SUGCT: variants seen among roughly 807,000 people sequenced by gnomAD.
SUGCT encodes succinyl-CoA:glutarate-CoA transferase.
SUGCT carries 41 observed loss-of-function variants against 55.0 expected under a neutral mutation model. That is an observed-to-expected ratio of 0.74 (90% CI 0.58 to 0.97). The LOEUF is 0.97. SUGCT is among the 50% of genes least tolerant of loss of function. The pLI, the probability that SUGCT is intolerant of heterozygous loss-of-function variation, is 0.00. For synonymous variants in SUGCT, 187 were observed against 200.4 expected, an observed-to-expected ratio of 0.93 and a Z score of 0.56; for missense variants, 568 against 547.8, an observed-to-expected ratio of 1.04 and a Z score of -0.37.
intron 9 of SUGCT, among the ~76,000 whole-genome samples, chr7:40,447,848 C>T (rs908437330): frequency 2.0e-5 from 3 of 152,044 alleles, no homozygotes; most frequent in African/African-American, 7.2e-5. Context: ...GGAGATACAG[C>T]ACAGTTTTTA....
chr7:40,983,768 G>A, the SUGCT span, among the ~76,000 whole-genome samples: 5 of 152,310 alleles, frequency 3.3e-5, no homozygotes, highest in East Asian at 9.6e-4. Context: ...TTGAGAAAGC[G>A]ATGTAGCACA....
chr7:40,480,711 A>G (rs1790983387), intron 11 of SUGCT, among the ~76,000 whole-genome samples: 1 of 152,076 alleles, frequency 6.6e-6, no homozygotes, highest in South Asian at 2.1e-4. Context: ...TTTAGTGTAC[A>G]CGTCTTTTAA....
At position 40,188,538 on chromosome 7, in the gene SUGCT, G is replaced by A; in HGVS notation, c.270G>A (p.Gly90=). ...DTRTWGPPFV[G]TESTYYLSVN... ...GAACTTGGGGGCCACCTTTTGTTGG[G>A]ACAGAAAGTACATATTATCTCAGTG... The change falls in exon 4 of 14, where the codon GGG becomes GGA. Residue 90 remains glycine (G), a synonymous_variant. Transcript: ENST00000335693. The A allele has an allele frequency of 1.2e-6, 2 of 1,609,826 alleles. No individual in the cohort carries two copies. The highest frequency in any genetic ancestry group is 1.7e-6 in the Non-Finnish European group (2 of 1,178,690).
the SUGCT span, among the ~76,000 whole-genome samples, chr7:40,955,052 A>T: frequency 3.3e-5 from 5 of 152,150 alleles, no homozygotes; most frequent in Non-Finnish European, 4.4e-5. Context: ...CTTGTAGTAT[A>T]GTTTGAAGTC....
intron 9 of SUGCT, among the ~76,000 whole-genome samples, chr7:40,372,677 A>G (rs1037329934): frequency 6.6e-5 from 10 of 152,216 alleles, no homozygotes; most frequent in African/African-American, 2.4e-4. Flanking sequence ...GTCTAAAATT[A>G]TGCAGGCAAG....
chr7:40,975,327 A>G, the SUGCT span, among the ~76,000 whole-genome samples: 1 of 152,174 alleles, frequency 6.6e-6, no homozygotes, highest in Non-Finnish European at 1.5e-5. Flanking sequence ...CTATATGTGG[A>G]TGACTTCCTT....
chr7:40,193,601 G>T (rs74474062), intron 5 of SUGCT, among the ~76,000 whole-genome samples: 5 of 148,266 alleles, frequency 3.4e-5, no homozygotes, highest in African/African-American at 9.9e-5. Context: ...ATTTAAAAAA[G>T]ATTTTTTTTT....
intron 6 of SUGCT, among the ~76,000 whole-genome samples, chr7:40,195,708 CTTT>C (rs928397687): frequency 2.0e-3 from 141 of 69,372 alleles, no homozygotes; most frequent in African/African-American, 8.0e-3. Flanking sequence ...GAAAACAATT[CTTT>C]TTTTTTTTTT....
chr7:40,491,309 A>G (rs1791664004), intron 11 of SUGCT, among the ~76,000 whole-genome samples: 1 of 152,202 alleles, frequency 6.6e-6, no homozygotes, highest in African/African-American at 2.4e-5. Context: ...ATCAAGGGCC[A>G]GGACTGTGAT....
chr7:40,565,610 C>T (rs554684354), intron 12 of SUGCT, among the ~76,000 whole-genome samples: 233 of 152,250 alleles, frequency 1.5e-3, no homozygotes, highest in Non-Finnish European at 2.5e-3. Flanking sequence ...CATCGTGACC[C>T]TGTTCTGCTC....
At chr7:40,282,684 C>A (rs10257919) in intron 8 of SUGCT, among the ~76,000 whole-genome samples, 151,264 of 152,072 alleles carry the variant, frequency 0.99, 75,231 homozygotes, top group East Asian at 1. Flanking sequence ...AGCATGGCCA[C>A]TATAATGAGA....
Position 40,681,545 on chromosome 7 carries a change from C to T in SUGCT, c.1090-67889C>T, listed in dbSNP as rs1288779408. Among the ~76,000 whole-genome samples the T allele has an allele frequency of 2.0e-5, 3 of 152,106 alleles. No homozygotes were observed. In the East Asian group the frequency reaches 5.8e-4, roughly 29 times the overall value. On this transcript the variant is annotated intron_variant, in intron 12 of 13. Coordinates refer to ENST00000335693, the MANE Select transcript of SUGCT (RefSeq NM_001193313.2). ...AAGGAAGGCATTTATTGGCAGAGCT[C>T]TAAGCAAGGCAAATCAGGGCAGCTG...
At chr7:40,931,934 T>C in the SUGCT span, among the ~76,000 whole-genome samples, 1 of 152,208 alleles carries the variant, frequency 6.6e-6, no homozygotes, top group East Asian at 1.9e-4. Flanking sequence ...TCAGTTCTGT[T>C]CTGATCTTAG....
rs574205784 is a variant in SUGCT, at chr7:40,255,152, G to A, written c.576+17426G>A. ...TGAGGCAGGAGAACCACTTGAACCCGGGAGGCAGAGGTTGCAGTGAGCTGA... is the reference window on the plus strand; with the variant it reads ...TGAGGCAGGAGAACCACTTGAACCCAGGAGGCAGAGGTTGCAGTGAGCTGA... On this transcript the variant is annotated intron_variant, in intron 7 of 13. Transcript: ENST00000335693. Among the ~76,000 whole-genome samples, 320 of 150,976 alleles carry A rather than the reference G, an allele frequency of 2.1e-3. 3 individuals are homozygous for A. Among genetic ancestry groups the A allele is most frequent in the Middle Eastern group, 0.014 (4 of 294 alleles).
Position 40,143,575 on chromosome 7 carries a change from G to T in SUGCT, c.100+8455G>T, listed in dbSNP as rs573369103. ...TGCGGTGCGCACAAGCATAACAATT[G>T]CTTTTGTTTAACGTGCAGACGGAAT... On this transcript the variant is annotated intron_variant, in intron 1 of 13. Coordinates refer to ENST00000335693, the MANE Select transcript of SUGCT (RefSeq NM_001193313.2). Among the ~76,000 whole-genome samples, 7 of 152,388 alleles carry T rather than the reference G, an allele frequency of 4.6e-5. No individual in the cohort carries two copies. The East Asian group carries it at 1.3e-3, about 29-fold the overall frequency.
At chr7:40,298,535 A>G (rs577592093) in intron 8 of SUGCT, among the ~76,000 whole-genome samples, 1 of 152,218 alleles carries the variant, frequency 6.6e-6, no homozygotes, top group South Asian at 2.1e-4. Flanking sequence ...GCCCCAGGGG[A>G]AGAGACTGAT....
intron 12 of SUGCT, among the ~76,000 whole-genome samples, chr7:40,605,553 G>A (rs192307219): frequency 1.1e-3 from 167 of 152,234 alleles, no homozygotes; most frequent in Non-Finnish European, 1.7e-3. Context: ...AATGGGCACC[G>A]ACTATGTACC....
chr7:40,615,768 A>G (rs1035720843), intron 12 of SUGCT, among the ~76,000 whole-genome samples: 9 of 152,216 alleles, frequency 5.9e-5, no homozygotes, highest in Admixed American at 2.0e-4. Context: ...ATGTGTAATC[A>G]TAAGCCCAAG....
chr7:40,256,127 G>A (rs1170414745), intron 7 of SUGCT, among the ~76,000 whole-genome samples: 2 of 152,170 alleles, frequency 1.3e-5, no homozygotes, highest in African/African-American at 2.4e-5. Context: ...AAGTATAATT[G>A]CATAGTTGTT....
Sources: allele counts gnomAD v4.1 joint callset (sites outside exome capture counted in the v4.1 genomes callset), GRCh38; gene constraint gnomAD v4.1.1; transcripts MANE v1.5; gene names NCBI Gene and HGNC (gene_info 2026-07-23, HGNC 2026-07-21).